The following LRMDA variants were observed in gnomAD, a reference collection of about 807,000 sequenced individuals.
LRMDA encodes leucine rich melanocyte differentiation associated, also known as leucine-rich melanocyte differentiation-associated protein.
Under a neutral mutation model 29.8 loss-of-function variants are expected in LRMDA, and 18 were observed. The ratio of observed to expected loss-of-function variants is 0.60; its 90% CI spans 0.42 to 0.90. LRMDA has a LOEUF of 0.90. Ranked by LOEUF, LRMDA falls within the 40% of genes least tolerant of loss-of-function variation. The pLI is 0.00. For synonymous variants in LRMDA, 125 were observed against 109.4 expected (o/e 1.14, Z -0.89); for missense variants, 273 against 273.9 (o/e 1.00, Z 0.02).
chr10:76,527,038 AT>A (rs1208832082), intron 6 of LRMDA, among the ~76,000 whole-genome samples: 1 of 131,032 alleles, frequency 7.6e-6, no homozygotes, highest in African/African-American at 2.9e-5. Flanking sequence ...GCCCTAAATT[AT>A]CAGGTCTGAC....
intron 6 of LRMDA, among the ~76,000 whole-genome samples, chr10:76,335,262 A>G (rs1459520567): frequency 1.3e-5 from 2 of 152,246 alleles, no homozygotes; most frequent in African/African-American, 4.8e-5. Flanking sequence ...AAACATTAAG[A>G]TGATCTGGCT....
At chr10:76,243,752 G>A (rs1852322314) in intron 5 of LRMDA, among the ~76,000 whole-genome samples, 2 of 152,172 alleles carry the variant, frequency 1.3e-5, no homozygotes, top group African/African-American at 4.8e-5. Flanking sequence ...GTGAGAAAAT[G>A]AGCTGTGGAG....
intron 6 of LRMDA, among the ~76,000 whole-genome samples, chr10:76,464,091 G>C (rs1842540197): frequency 6.6e-6 from 1 of 151,642 alleles, no homozygotes; most frequent in African/African-American, 2.4e-5. Context: ...AGCTAATTTT[G>C]TATTTTTAGT....
At chr10:76,242,521 T>G (rs1480275637) in intron 5 of LRMDA, among the ~76,000 whole-genome samples, 1 of 152,218 alleles carries the variant, frequency 6.6e-6, no homozygotes, top group African/African-American at 2.4e-5. Flanking sequence ...CACTTATAGA[T>G]GCATCGTGCC....
chr10:75,632,892 T>C (rs1266233902), intron 2 of LRMDA, among the ~76,000 whole-genome samples: 1 of 149,646 alleles, frequency 6.7e-6, no homozygotes, highest in East Asian at 2.0e-4. Flanking sequence ...GCCTTGTCAT[T>C]GACTTTGCTG....
chr10:76,386,978 C>T (rs531144749), intron 6 of LRMDA, among the ~76,000 whole-genome samples: 18 of 151,964 alleles, frequency 1.2e-4, no homozygotes, highest in East Asian at 7.7e-4. Flanking sequence ...ATGAAATATT[C>T]GTAAATAAAA....
chr10:76,378,437 G>A (rs1485817225), intron 6 of LRMDA, among the ~76,000 whole-genome samples: 1 of 152,132 alleles, frequency 6.6e-6, no homozygotes, highest in Non-Finnish European at 1.5e-5. Flanking sequence ...AGTGGTGAAA[G>A]TGGCATCCTT....
intron 6 of LRMDA, among the ~76,000 whole-genome samples, chr10:76,326,695 A>G (rs1840837208): frequency 1.3e-5 from 2 of 152,232 alleles, no homozygotes; most frequent in South Asian, 4.1e-4. Context: ...TTTTCTGTAC[A>G]TGCCATTTTC....
At chr10:76,483,403 C>A (rs569743967) in intron 6 of LRMDA, among the ~76,000 whole-genome samples, 1 of 151,888 alleles carries the variant, frequency 6.6e-6, no homozygotes, top group East Asian at 2.0e-4. Flanking sequence ...GGCAGGGCCC[C>A]ATAGGGGATT....
chr10:76,552,407 C>A (rs1002016711), intron 6 of LRMDA, among the ~76,000 whole-genome samples: 7 of 152,158 alleles, frequency 4.6e-5, no homozygotes, highest in African/African-American at 1.7e-4. Flanking sequence ...CCCCAGAGGC[C>A]CCCTTCTATC....
At chr10:76,249,341 A>G (rs978804157) in intron 5 of LRMDA, among the ~76,000 whole-genome samples, 27 of 152,198 alleles carry the variant, frequency 1.8e-4, no homozygotes, top group African/African-American at 6.3e-4. Context: ...TTCATGATCC[A>G]GGGTGAAGTC....
At chr10:75,843,783 A>T (rs1056667648) in intron 2 of LRMDA, among the ~76,000 whole-genome samples, 5 of 152,206 alleles carry the variant, frequency 3.3e-5, no homozygotes, top group Non-Finnish European at 5.9e-5. Flanking sequence ...TAAGGTTGTT[A>T]TACTGGTGAA....
At chr10:76,236,626 T>C (rs577855209) in intron 5 of LRMDA, among the ~76,000 whole-genome samples, 1 of 152,290 alleles carries the variant, frequency 6.6e-6, no homozygotes, top group East Asian at 1.9e-4. Context: ...GATTTGAGGT[T>C]TCCTTCTGTC....
chr10:75,970,926 G>T (rs947881382), intron 2 of LRMDA, among the ~76,000 whole-genome samples: 4 of 152,144 alleles, frequency 2.6e-5, no homozygotes, highest in Non-Finnish European at 4.4e-5. Context: ...TTGTTATATT[G>T]GGTATTCTAA....
chr10:75,826,755 A>G (rs1844253166), intron 2 of LRMDA, among the ~76,000 whole-genome samples: 1 of 152,326 alleles, frequency 6.6e-6, no homozygotes, highest in East Asian at 1.9e-4. Context: ...TGTGAAATAT[A>G]TGGGTTTTGA....
At chr10:75,688,814 A>G (rs1412050680) in intron 2 of LRMDA, among the ~76,000 whole-genome samples, 1 of 152,222 alleles carries the variant, frequency 6.6e-6, no homozygotes, top group African/African-American at 2.4e-5. Flanking sequence ...CATCCTGATC[A>G]GTCAGCAGCC....
At chr10:76,552,978 G>A (rs1264573229) in intron 6 of LRMDA, among the ~76,000 whole-genome samples, 1 of 152,122 alleles carries the variant, frequency 6.6e-6, no homozygotes, top group Non-Finnish European at 1.5e-5. Context: ...TAATTAGGAT[G>A]TCCATTCCAG....
intron 2 of LRMDA, among the ~76,000 whole-genome samples, chr10:75,575,099 T>A (rs761795141): frequency 9.2e-5 from 14 of 151,994 alleles, no homozygotes; most frequent in African/African-American, 1.4e-4. Flanking sequence ...AATGACCATA[T>A]CTCATGAGAA....
Position 76,557,378 on chromosome 10 carries a change from G to A in LRMDA, c.*90G>A. On this transcript the variant is annotated 3_prime_UTR_variant, in exon 7 of 7. Coordinates refer to ENST00000611255, the MANE Select transcript of LRMDA (RefSeq NM_001305581.2). Reference sequence around the variant, plus strand: ...AGAAAACGCTAAAGAAAAAACAATAGCCCACATTGCCTCTCTTTGGGAAAA... The same window carrying A: ...AGAAAACGCTAAAGAAAAAACAATAACCCACATTGCCTCTCTTTGGGAAAA... The A allele has an allele frequency of 9.8e-7, 1 of 1,023,842 alleles. No homozygotes were observed. Among genetic ancestry groups the A allele is most frequent in the South Asian group, 1.4e-5 (1 of 72,206 alleles). The allele number at this position is 1,023,842 out of a possible 1,614,324, so 63.4% of individuals were successfully genotyped here. A position where few individuals can be genotyped will look rare whatever the true frequency, so the allele number is the denominator to read the frequency against.
Sources: allele counts gnomAD v4.1 joint callset (sites outside exome capture counted in the v4.1 genomes callset), GRCh38; gene constraint gnomAD v4.1.1; transcripts MANE v1.5; gene names NCBI Gene and HGNC (gene_info 2026-07-23, HGNC 2026-07-21).